SLC71A2: variants seen among roughly 807,000 people sequenced by gnomAD.
SLC71A2 encodes hippocampus abundant transcript-like 1.
the SLC71A2 span, among the ~76,000 whole-genome samples, chr9:94,378,396 G>A: frequency 2.8e-4 from 42 of 152,066 alleles, no homozygotes; most frequent in African/African-American, 9.2e-4. Flanking sequence ...TCTTGGCCGC[G>A]TGCGGTGGAT....
the SLC71A2 span, among the ~76,000 whole-genome samples, chr9:94,407,287 A>G: frequency 2.0e-5 from 3 of 152,054 alleles, no homozygotes; most frequent in Non-Finnish European, 4.4e-5. Flanking sequence ...TATAACCATA[A>G]TAAACTGCTT....
the SLC71A2 span, among the ~76,000 whole-genome samples, chr9:94,377,533 C>CT: frequency 0.066 from 7,114 of 107,610 alleles, 301 homozygotes; most frequent in African/African-American, 0.12. Flanking sequence ...CCATGCCTGG[C>CT]TTTTTTTTTT....
At chr9:94,430,494 A>G in the SLC71A2 span, among the ~76,000 whole-genome samples, 8 of 152,252 alleles carry the variant, frequency 5.3e-5, no homozygotes, top group East Asian at 1.4e-3. Context: ...CAGTCTTGCA[A>G]TCACAGGCAT....
the SLC71A2 span, chr9:94,432,667 C>T: frequency 4.8e-5 from 12 of 251,894 alleles, no homozygotes; most frequent in Non-Finnish European, 9.8e-5. Flanking sequence ...GCAACCCATA[C>T]CTCTGTTGAA....
chr9:94,437,484 A>T, the SLC71A2 span, among the ~76,000 whole-genome samples: 4 of 151,656 alleles, frequency 2.6e-5, no homozygotes, highest in African/African-American at 4.8e-5. Flanking sequence ...TCTATGTCAG[A>T]CTCTCTTCCC....
At chr9:94,411,674 T>A in the SLC71A2 span, among the ~76,000 whole-genome samples, 8 of 151,540 alleles carry the variant, frequency 5.3e-5, no homozygotes, top group Admixed American at 5.3e-4. Context: ...CACTGCAACC[T>A]CCTCCTCCTA....
chr9:94,399,975 A>G, the SLC71A2 span, among the ~76,000 whole-genome samples: 4,849 of 151,798 alleles, frequency 0.032, 260 homozygotes, highest in African/African-American at 0.11. Context: ...TGGCCTGGCT[A>G]ATTTTGTATT....
chr9:94,418,967 C>G, the SLC71A2 span, among the ~76,000 whole-genome samples: 2 of 152,218 alleles, frequency 1.3e-5, no homozygotes, highest in East Asian at 3.9e-4. Context: ...AAGTTTTCGT[C>G]TGCAATATTC....
chr9:94,389,205 G>C, the SLC71A2 span, among the ~76,000 whole-genome samples: 4 of 151,278 alleles, frequency 2.6e-5, no homozygotes, highest in African/African-American at 9.7e-5. Context: ...TCCATATTAT[G>C]TGTGCTCTTC....
At chr9:94,409,183 A>T in the SLC71A2 span, among the ~76,000 whole-genome samples, 1 of 117,222 alleles carries the variant, frequency 8.5e-6, no homozygotes, top group Non-Finnish European at 1.6e-5. Context: ...CCCTTCTCCC[A>T]GACTGGAGTA....
At chr9:94,429,212 A>G in the SLC71A2 span, 1 of 1,605,112 alleles carries the variant, frequency 6.2e-7, no homozygotes, top group Non-Finnish European at 8.5e-7. Flanking sequence ...CATTTTCTCA[A>G]CACACATTCC....
At chr9:94,390,862 TC>T in the SLC71A2 span, among the ~76,000 whole-genome samples, 1 of 152,118 alleles carries the variant, frequency 6.6e-6, no homozygotes, top group Non-Finnish European at 1.5e-5. Context: ...GTACCTCAAT[TC>T]AAAGGCTGCC....
the SLC71A2 span, among the ~76,000 whole-genome samples, chr9:94,420,835 A>G: frequency 6.6e-6 from 1 of 152,062 alleles, no homozygotes; most frequent in African/African-American, 2.4e-5. Flanking sequence ...GGAGGCAGTG[A>G]TTGTGGTGAG....
At chr9:94,399,393 G>C in the SLC71A2 span, among the ~76,000 whole-genome samples, 2 of 151,898 alleles carry the variant, frequency 1.3e-5, no homozygotes, top group Admixed American at 1.3e-4. Flanking sequence ...GTTTCTTTCA[G>C]GCTCTTTCAG....
At chr9:94,459,818 A>G in the SLC71A2 span, 1 of 169,444 alleles carries the variant, frequency 5.9e-6, no homozygotes, top group Non-Finnish European at 1.3e-5. Flanking sequence ...CTCTGGCAAG[A>G]TTTCAGGTAA....
At chr9:94,437,535 CCTT>C in the SLC71A2 span, among the ~76,000 whole-genome samples, 4 of 152,206 alleles carry the variant, frequency 2.6e-5, no homozygotes, top group East Asian at 1.9e-4. Context: ...TGGATTATCT[CCTT>C]CTTCCTAAAC....
chr9:94,375,577 A>G, the SLC71A2 span, among the ~76,000 whole-genome samples: 10 of 152,240 alleles, frequency 6.6e-5, no homozygotes, highest in African/African-American at 2.4e-4. Flanking sequence ...TGCAATATTA[A>G]GCCTAGAGGG....
the SLC71A2 span, among the ~76,000 whole-genome samples, chr9:94,428,818 T>TGA: frequency 6.6e-6 from 1 of 151,982 alleles, no homozygotes; most frequent in Non-Finnish European, 1.5e-5. Flanking sequence ...GTGCTCTGCC[T>TGA]ATTCATCCCT....
chr9:94,399,703 C>T, the SLC71A2 span, among the ~76,000 whole-genome samples: 3 of 152,080 alleles, frequency 2.0e-5, no homozygotes, highest in African/African-American at 7.3e-5. Context: ...TCAACTATAG[C>T]ATAACAGTGT....
Sources: gnomAD v4.1 joint callset for allele counts (sites outside exome capture counted in the v4.1 genomes callset) on GRCh38, gnomAD v4.1.1 for gene constraint, MANE v1.5 for transcripts, NCBI Gene and HGNC (gene_info 2026-07-23, HGNC 2026-07-21) for gene names.